SHB: variants seen among roughly 807,000 people sequenced by gnomAD.
SHB encodes the protein SH2 domain-containing adapter protein B.
SHB carries 20 observed loss-of-function variants against 52.3 expected under a neutral mutation model. That is an observed-to-expected ratio of 0.38 (90% CI 0.27 to 0.56). SHB has a LOEUF of 0.56. Among genes scored for constraint, SHB ranks in the 20% least tolerant of loss-of-function variants. The probability of loss-of-function intolerance (pLI) is 0.71; values close to 1 mark genes in which losing one functional copy is unlikely to be tolerated. For missense variants in SHB, 825 were observed against 723.3 expected (o/e 1.14, Z -1.61); for synonymous variants, 397 against 316.5 (o/e 1.25, Z -2.70).
chr9:38,025,360 C>T (rs1285268549), intron 1 of SHB, among the ~76,000 whole-genome samples: 1 of 152,206 alleles, frequency 6.6e-6, no homozygotes, highest in Non-Finnish European at 1.5e-5. Context: ...AGCCCTTCCT[C>T]TCAGGCTTCC....
chr9:37,954,424 T>C (rs1334762862), intron 4 of SHB, among the ~76,000 whole-genome samples: 2 of 151,922 alleles, frequency 1.3e-5, no homozygotes, highest in Admixed American at 6.5e-5. Context: ...TCTTGTGGCC[T>C]CATGTGTGCC....
intron 2 of SHB, among the ~76,000 whole-genome samples, chr9:38,001,713 A>C (rs1257619491): frequency 6.6e-6 from 1 of 152,222 alleles, no homozygotes; most frequent in Non-Finnish European, 1.5e-5. Flanking sequence ...GGCTGGCCAC[A>C]GAGGGTTAGG....
intron 1 of SHB, among the ~76,000 whole-genome samples, chr9:38,040,102 C>T (rs970064392): frequency 6.6e-6 from 1 of 152,254 alleles, no homozygotes; most frequent in Non-Finnish European, 1.5e-5. Flanking sequence ...GTCAGCCGGT[C>T]TTTCCCCATA....
chr9:38,003,279 G>A (rs1260527965), intron 2 of SHB, among the ~76,000 whole-genome samples: 1 of 151,878 alleles, frequency 6.6e-6, no homozygotes, highest in Non-Finnish European at 1.5e-5. Flanking sequence ...CTAAACACAG[G>A]ACCTCCTTGG....
At chr9:38,045,452 A>C (rs113035069) in intron 1 of SHB, among the ~76,000 whole-genome samples, 3,049 of 149,470 alleles carry the variant, frequency 0.02, 105 homozygotes, top group African/African-American at 0.07. Context: ...GTCTCTACTA[A>C]AAATATAAAA....
intron 1 of SHB, among the ~76,000 whole-genome samples, chr9:38,037,175 G>A (rs1587256952): frequency 6.6e-6 from 1 of 152,184 alleles, no homozygotes; most frequent in Admixed American, 6.5e-5. Context: ...ATCTCCTTAT[G>A]ACACAACAGT....
chr9:37,935,089 A>C (rs1332842131), intron 5 of SHB, among the ~76,000 whole-genome samples: 3 of 152,194 alleles, frequency 2.0e-5, no homozygotes, highest in African/African-American at 7.2e-5. Context: ...TAGCCTGAAA[A>C]TCTGAACTCA....
intron 1 of SHB, among the ~76,000 whole-genome samples, chr9:38,063,677 G>A (rs776610302): frequency 3.9e-5 from 6 of 152,224 alleles, no homozygotes; most frequent in African/African-American, 4.8e-5. Flanking sequence ...TGACTAGACC[G>A]GGAGAAGCTG....
chr9:38,015,455 G>A (rs770041447), intron 2 of SHB: 3 of 703,068 alleles, frequency 4.3e-6, no homozygotes, highest in South Asian at 3.0e-5. Context: ...AGCCACTGGG[G>A]GAATGTCTCC....
chr9:37,936,097 T>A (rs1462761482), intron 5 of SHB, among the ~76,000 whole-genome samples: 1 of 150,100 alleles, frequency 6.7e-6, no homozygotes, highest in African/African-American at 2.5e-5. Context: ...ACACCTGTAA[T>A]CCCAGCTACT....
At position 38,067,944 on chromosome 9, in the gene SHB, G is replaced by A. The variant is rs1423612278; in HGVS notation, c.702C>T (p.Ala234=). 1.9e-6 allele frequency: 3 copies of A among 1,539,954 alleles called. No homozygotes were observed. Among genetic ancestry groups the A allele is most frequent in the African/African-American group, 2.8e-5 (2 of 71,018 alleles). The change falls in exon 1 of 6, where the codon GCC becomes GCT. Residue 234 remains alanine, a synonymous_variant. Transcript: ENST00000377707. ...GGCACCTTACCTTGTCCTTCTTGCC[G>A]GCCCCGCTCTCCTCCGCGGCTGAGG... The part of the protein sequence containing the change: ...CAASAAEESG[A]GKKDKVTIAD...
At chr9:38,049,100 A>G (rs971846013) in intron 1 of SHB, among the ~76,000 whole-genome samples, 2 of 152,230 alleles carry the variant, frequency 1.3e-5, no homozygotes, top group African/African-American at 4.8e-5. Context: ...GGCTCACTGC[A>G]GCCGTAACCT....
chr9:38,021,613 A>G (rs1046430370), intron 1 of SHB, among the ~76,000 whole-genome samples: 8 of 152,054 alleles, frequency 5.3e-5, no homozygotes, highest in Non-Finnish European at 8.8e-5. Context: ...GGTTGCAGTT[A>G]GCTGAGATCG....
At position 38,011,169 on chromosome 9, in the gene SHB, A is replaced by G. The variant is rs1821137447; in HGVS notation, c.838+4842T>C. Among the ~76,000 whole-genome samples, 5 of 152,298 alleles carry G rather than the reference A, an allele frequency of 3.3e-5. No individual in the cohort carries two copies. The South Asian group carries it at 1.0e-3, about 32-fold the overall frequency. ...ATCCGGGGACCTTAAGCCTGGGATC[A>G]AGACCTGGGGAAGAGGGAAAGAAGG... is the stretch of plus-strand genomic sequence containing the variant. On this transcript the variant is annotated intron_variant, in intron 2 of 5. Coordinates refer to ENST00000377707, the MANE Select transcript of SHB (RefSeq NM_003028.3).
At chr9:37,998,038 C>T (rs1820970913) in intron 2 of SHB, among the ~76,000 whole-genome samples, 1 of 152,238 alleles carries the variant, frequency 6.6e-6, no homozygotes, top group African/African-American at 2.4e-5. Flanking sequence ...GCCCGTGTGA[C>T]AGGCACTTGC....
chr9:37,929,042 A>AGG (rs984412819), intron 5 of SHB, among the ~76,000 whole-genome samples: 1 of 152,160 alleles, frequency 6.6e-6, no homozygotes, highest in African/African-American at 2.4e-5. Flanking sequence ...AGGGCTGGAG[A>AGG]GGGGGGTGGG....
chr9:38,025,914 A>G (rs537183739), intron 1 of SHB, among the ~76,000 whole-genome samples: 4 of 152,338 alleles, frequency 2.6e-5, no homozygotes, highest in Admixed American at 2.6e-4. Flanking sequence ...CTAGACTCCC[A>G]TCAAATCCCA....
intron 1 of SHB, among the ~76,000 whole-genome samples, chr9:38,036,378 G>GT (rs1381686465): frequency 6.6e-5 from 10 of 152,332 alleles, no homozygotes; most frequent in African/African-American, 2.4e-4. Flanking sequence ...TGTAAAAACT[G>GT]TATTTCTTCA....
rs1822000183 is a variant in SHB, at chr9:38,068,211, G to A, written c.435C>T (p.Gly145=). Residue 145 remains glycine, a synonymous_variant, in exon 1 of 6, where the codon GGC becomes GGT. Coordinates refer to ENST00000377707, the MANE Select transcript of SHB (RefSeq NM_003028.3). The part of the protein sequence containing the change: ...GAAGCCCASS[G]AGAAASSSSS... ...AGGACGAGGACGCGGCGGCCCCCGC[G>A]CCCGAGGAGGCGCAGCAACAGCCCG... 1.4e-6 allele frequency: 2 copies of A among 1,394,086 alleles called. No individual in the cohort carries two copies. Among genetic ancestry groups the A allele is most frequent in the Non-Finnish European group, 1.8e-6 (2 of 1,086,932 alleles). 86.4% of individuals were successfully genotyped at this position (1,394,086 alleles called of 1,614,324 possible).
Sources: gnomAD v4.1 joint callset for allele counts (sites outside exome capture counted in the v4.1 genomes callset) on GRCh38, gnomAD v4.1.1 for gene constraint, MANE v1.5 for transcripts, NCBI Gene and HGNC (gene_info 2026-07-23, HGNC 2026-07-21) for gene names.